The following RSU1 variants were observed in gnomAD, a reference collection of about 807,000 sequenced individuals.
RSU1 encodes Ras suppressor protein 1.
In RSU1, 26 loss-of-function variants were observed where a neutral mutation model predicts 31.1. The ratio of observed to expected loss-of-function variants is 0.84; its 90% CI spans 0.61 to 1.16. The LOEUF is 1.16. Among genes scored for constraint, RSU1 ranks in the 50% most tolerant of loss-of-function variants. RSU1 has a pLI of 0.00. For synonymous variants in RSU1, 164 were observed against 136.3 expected, an observed-to-expected ratio of 1.20 and a Z score of -1.41; for missense variants, 320 against 339.1, an observed-to-expected ratio of 0.94 and a Z score of 0.44.
chr10:16,713,475 T>C (rs1836065007), intron 7 of RSU1, among the ~76,000 whole-genome samples: 2 of 152,234 alleles, frequency 1.3e-5, no homozygotes, highest in Admixed American at 6.5e-5. Flanking sequence ...ATCTAGTCTG[T>C]TGTTGAAGCT....
chr10:16,634,011 C>T (rs7071894), intron 8 of RSU1, among the ~76,000 whole-genome samples: 44,190 of 152,118 alleles, frequency 0.29, 9,325 homozygotes, highest in African/African-American at 0.61. Flanking sequence ...CTCACACTGA[C>T]GTTCAATCTG....
In RSU1 at chr10:16,698,438, T is replaced by C. The variant is rs1225027501; in HGVS notation, c.599-3283A>G. Among the ~76,000 whole-genome samples, 6 of 152,296 alleles carry C rather than the reference T, an allele frequency of 3.9e-5. No individual in the cohort carries two copies. The East Asian group carries it at 1.2e-3, about 29-fold the overall frequency. On this transcript the variant is annotated intron_variant, in intron 7 of 8. Transcript: ENST00000345264. ...CTCTGGAACGCACACAGCCTCTTGT[T>C]AACTTATTAACAGCATCTTACTAAG... is the stretch of plus-strand genomic sequence containing the variant.
At chr10:16,738,866 C>A (rs557836361) in intron 7 of RSU1, among the ~76,000 whole-genome samples, 3 of 144,772 alleles carry the variant, frequency 2.1e-5, no homozygotes, top group African/African-American at 7.6e-5. Flanking sequence ...CCTTGCCCCC[C>A]ACCCCCCCAG....
chr10:16,650,574 A>G (rs911721794), intron 8 of RSU1, among the ~76,000 whole-genome samples: 2 of 137,514 alleles, frequency 1.5e-5, no homozygotes, highest in Non-Finnish European at 3.0e-5. Flanking sequence ...AGTCCTGAAA[A>G]GCTTTTTTTT....
intron 8 of RSU1, among the ~76,000 whole-genome samples, chr10:16,635,590 A>C (rs541218414): frequency 5.9e-5 from 9 of 152,328 alleles, no homozygotes; most frequent in African/African-American, 2.2e-4. Flanking sequence ...TTTCTCTGCA[A>C]AATGATACTG....
intron 7 of RSU1, among the ~76,000 whole-genome samples, chr10:16,708,523 C>A (rs955920789): frequency 6.6e-6 from 1 of 152,064 alleles, no homozygotes; most frequent in East Asian, 1.9e-4. Context: ...GTGATACCTG[C>A]AGGTTTTTCT....
chr10:16,679,995 C>A (rs924813995), intron 8 of RSU1, among the ~76,000 whole-genome samples: 1 of 151,488 alleles, frequency 6.6e-6, no homozygotes, highest in Admixed American at 6.6e-5. Flanking sequence ...GATTCTCCAG[C>A]CTCAGCCTCC....
At chr10:16,805,095 G>GGAGGCT (rs1330021964) in intron 2 of RSU1, among the ~76,000 whole-genome samples, 22 of 152,086 alleles carry the variant, frequency 1.4e-4, no homozygotes, top group African/African-American at 3.9e-4. Flanking sequence ...CAGCTACTCG[G>GGAGGCT]GAGGCTGAGG....
At chr10:16,752,799 C>G in intron 6 of RSU1, 119 bp downstream of exon 6, 1 of 1,030,426 alleles carries the variant, frequency 9.7e-7, no homozygotes, top group Non-Finnish European at 1.5e-6. Context: ...GAAACACTAT[C>G]AGGAGTAGTG....
At chr10:16,674,957 T>C (rs1405467007) in intron 8 of RSU1, among the ~76,000 whole-genome samples, 1 of 151,950 alleles carries the variant, frequency 6.6e-6, no homozygotes, top group Non-Finnish European at 1.5e-5. Flanking sequence ...CTTTTGAACC[T>C]GGGAGGCGGA....
chr10:16,737,571 A>T (rs1030324326), intron 7 of RSU1, among the ~76,000 whole-genome samples: 13 of 152,132 alleles, frequency 8.5e-5, no homozygotes, highest in Admixed American at 1.3e-4. Context: ...ATTAATGACC[A>T]AAAAGAACTG....
intron 7 of RSU1, among the ~76,000 whole-genome samples, chr10:16,713,202 G>C (rs1044171123): frequency 9.9e-5 from 15 of 152,106 alleles, no homozygotes; most frequent in African/African-American, 3.4e-4. Flanking sequence ...GAATCTAACT[G>C]GGGACCTCTG....
Position 16,754,995 on chromosome 10 carries a change from G to T in RSU1, c.282-6C>A. 6.3e-7 allele frequency: 1 copy of T among 1,580,384 alleles called. No individual in the cohort carries two copies. On this transcript the variant is annotated splice_region_variant and splice_polypyrimidine_tract_variant and intron_variant, in intron 4 of 8. Coordinates refer to ENST00000345264, the MANE Select transcript of RSU1 (RefSeq NM_012425.4). ...AAGTGTTCAGCCTGTTCATGCTGTT[G>T]CAGGGGGACAAAAATCTATGTCATG...
At chr10:16,595,968 A>G (rs1278382353) in intron 8 of RSU1, among the ~76,000 whole-genome samples, 1 of 151,862 alleles carries the variant, frequency 6.6e-6, no homozygotes, top group Non-Finnish European at 1.5e-5. Flanking sequence ...ACTCTGTCTC[A>G]GAAAAAAAAA....
chr10:16,714,111 G>T (rs1414572074), intron 7 of RSU1, among the ~76,000 whole-genome samples: 1 of 152,156 alleles, frequency 6.6e-6, no homozygotes, highest in African/African-American at 2.4e-5. Context: ...GGCTTTTCAG[G>T]GAGGTGGGGC....
chr10:16,595,218 A>G (rs771987905), intron 8 of RSU1, among the ~76,000 whole-genome samples: 5 of 152,204 alleles, frequency 3.3e-5, no homozygotes, highest in Non-Finnish European at 7.3e-5. Context: ...CTGGCGTCCA[A>G]TACTAGTGTT....
At chr10:16,610,237 C>T (rs1833870693) in intron 8 of RSU1, among the ~76,000 whole-genome samples, 1 of 152,156 alleles carries the variant, frequency 6.6e-6, no homozygotes. Context: ...AGTTCAACAG[C>T]TCAGGAGCCA....
chr10:16,776,591 T>C (rs1257409051), intron 3 of RSU1, among the ~76,000 whole-genome samples: 1 of 152,068 alleles, frequency 6.6e-6, no homozygotes, highest in African/African-American at 2.4e-5. Context: ...AGTGAAGACC[T>C]GAAATTGTAG....
chr10:16,595,324 A>G (rs1432453936), intron 8 of RSU1, among the ~76,000 whole-genome samples: 2 of 148,558 alleles, frequency 1.3e-5, no homozygotes, highest in Admixed American at 6.6e-5. Context: ...GCTGGACACT[A>G]TGGTTTTGAA....
Sources: gnomAD v4.1 joint callset for allele counts (sites outside exome capture counted in the v4.1 genomes callset) on GRCh38, gnomAD v4.1.1 for gene constraint, MANE v1.5 for transcripts, NCBI Gene and HGNC (gene_info 2026-07-23, HGNC 2026-07-21) for gene names.